SLC25A20: variants seen among roughly 807,000 people sequenced by gnomAD.
SLC25A20 encodes solute carrier family 25 member 20, also known as mitochondrial carnitine/acylcarnitine carrier protein.
SLC25A20 carries 29 observed loss-of-function variants against 39.7 expected under a neutral mutation model. The ratio of observed to expected loss-of-function variants is 0.73; its 90% CI spans 0.54 to 1.00. The LOEUF (loss-of-function observed/expected upper bound fraction) is 1.00, where lower values mean the gene tolerates loss of function less well. Among genes scored for constraint, SLC25A20 ranks in the 50% least tolerant of loss-of-function variants. The pLI is 0.00. For synonymous variants in SLC25A20, 103 were observed against 142.2 expected (o/e 0.72, Z 1.96); for missense variants, 333 against 379.9 (o/e 0.88, Z 1.03).
intron 4 of SLC25A20, among the ~76,000 whole-genome samples, chr3:48,875,409 AT>A (rs1161432298): frequency 6.6e-6 from 1 of 151,366 alleles, no homozygotes; most frequent in East Asian, 1.9e-4. Flanking sequence ...CTATTTATTT[AT>A]TTTTTAATTT....
chr3:48,864,999 T>C (rs1192105193), intron 4 of SLC25A20, among the ~76,000 whole-genome samples: 2 of 152,172 alleles, frequency 1.3e-5, no homozygotes, highest in Non-Finnish European at 2.9e-5. Context: ...TGGAAAATGC[T>C]GAGAGTAGAG....
rs574218022 is a variant in SLC25A20, at chr3:48,863,232, A to G, written c.418-573T>C. Among the ~76,000 whole-genome samples the G allele has an allele frequency of 3.3e-5, 5 of 152,320 alleles. No homozygotes were observed. The East Asian group carries it at 9.6e-4, about 29-fold the overall frequency. On this transcript the variant is annotated intron_variant, in intron 4 of 8. Coordinates refer to ENST00000319017, the MANE Select transcript of SLC25A20 (RefSeq NM_000387.6). ...AAAATAAGTTGAGGAAATCTGTCAA[A>G]CACAATAAAGCTATTTGGAAGGTCT...
chr3:48,898,841 G>A lies in SLC25A20; in HGVS notation c.-47C>T. On this transcript the variant is annotated 5_prime_UTR_variant, in exon 1 of 9. Transcript: ENST00000319017. The stretch of plus-strand genomic sequence containing the variant: ...GTCTGTCAGTTCTCGGGCCGTCCTG[G>A]CTTCTCAGCCCCAGCTGCAGTGCCG... The A allele has an allele frequency of 6.5e-7, 1 of 1,529,218 alleles. No individual in the cohort carries two copies. Among genetic ancestry groups the A allele is most frequent in the Non-Finnish European group, 8.9e-7 (1 of 1,127,366 alleles). The allele number at this position is 1,529,218 out of a possible 1,614,324, so 94.7% of individuals were successfully genotyped here.
chr3:48,859,810 C>T (rs1023587806), intron 5 of SLC25A20, among the ~76,000 whole-genome samples, 183 bp from the exon 6 acceptor site: 1 of 151,948 alleles, frequency 6.6e-6, no homozygotes, highest in Non-Finnish European at 1.5e-5. Context: ...AGATTTGGTT[C>T]AATTTATTTG....
At position 48,859,509 on chromosome 3, in the gene SLC25A20, G is replaced by A. The variant is rs745558282; in HGVS notation, c.608+46C>T. 256 of 1,470,630 alleles carry A rather than the reference G, an allele frequency of 1.7e-4. 2 individuals carry two copies. The Admixed American group carries it at 3.6e-3, about 21-fold the overall frequency. 91.1% of individuals were successfully genotyped at this position (1,470,630 alleles called of 1,614,324 possible). Reference sequence around the variant, plus strand: ...AGATTCACCCACAGGAGAGGGCAACGCACCCATGACTGGGGAAAGTGGCTT... The same window carrying A: ...AGATTCACCCACAGGAGAGGGCAACACACCCATGACTGGGGAAAGTGGCTT... On this transcript the variant is annotated intron_variant, in intron 6 of 8. Coordinates refer to ENST00000319017, the MANE Select transcript of SLC25A20 (RefSeq NM_000387.6).
chr3:48,890,674 A>C (rs1182022625), intron 2 of SLC25A20, among the ~76,000 whole-genome samples: 1 of 68,238 alleles, frequency 1.5e-5, no homozygotes, highest in African/African-American at 5.7e-5. Flanking sequence ...TTTTTTTTTG[A>C]GATAGAGTCT....
intron 5 of SLC25A20, among the ~76,000 whole-genome samples, chr3:48,860,512 G>C (rs1205616031): frequency 2.7e-5 from 4 of 150,266 alleles, no homozygotes; most frequent in Non-Finnish European, 5.9e-5. Context: ...GACTGAGGCA[G>C]GAGAATCGCT....
intron 4 of SLC25A20, among the ~76,000 whole-genome samples, chr3:48,872,690 A>C (rs77905519): frequency 6.7e-6 from 1 of 150,250 alleles, no homozygotes; most frequent in African/African-American, 2.4e-5. Context: ...ATCCTTACAA[A>C]AAAAAAAAAA....
intron 1 of SLC25A20, among the ~76,000 whole-genome samples, chr3:48,894,503 C>A (rs982708050): frequency 6.6e-6 from 1 of 151,374 alleles, no homozygotes; most frequent in African/African-American, 2.4e-5. Flanking sequence ...GAACTTCTGA[C>A]CTCAGGTGAT....
At chr3:48,875,564 C>T (rs1436567494) in intron 4 of SLC25A20, among the ~76,000 whole-genome samples, 1 of 152,182 alleles carries the variant, frequency 6.6e-6, no homozygotes, top group African/African-American at 2.4e-5. Flanking sequence ...CGTGCACAAC[C>T]ATACCTGGCT....
chr3:48,881,170 C>A lies in SLC25A20; in HGVS notation c.327-1722G>T, dbSNP rs1410341873. The stretch of plus-strand genomic sequence containing the variant: ...ACAGCGCGATTTCTCCCTGCATTCA[C>A]CCCAGGCAGGGCTCATGCATCTACC... On this transcript the variant is annotated intron_variant, in intron 3 of 8. Coordinates refer to ENST00000319017, the MANE Select transcript of SLC25A20 (RefSeq NM_000387.6). Among the ~76,000 whole-genome samples, 5 of 152,222 alleles carry A rather than the reference C, an allele frequency of 3.3e-5. No individual in the cohort carries two copies. The East Asian group carries it at 7.7e-4, about 24-fold the overall frequency.
At chr3:48,896,982 G>T (rs935018805) in intron 1 of SLC25A20, among the ~76,000 whole-genome samples, 7 of 151,444 alleles carry the variant, frequency 4.6e-5, no homozygotes, top group Non-Finnish European at 1.0e-4. Flanking sequence ...GCCTTTTCAT[G>T]ACCCACTCTG....
intron 2 of SLC25A20, among the ~76,000 whole-genome samples, chr3:48,884,858 G>C (rs2083819199): frequency 7.7e-6 from 1 of 129,808 alleles, no homozygotes; most frequent in Non-Finnish European, 1.6e-5. Context: ...ACATGGCCAA[G>C]AAATCACATT....
intron 1 of SLC25A20, among the ~76,000 whole-genome samples, chr3:48,893,279 G>A (rs181535498): frequency 1.3e-5 from 2 of 152,076 alleles, no homozygotes; most frequent in Non-Finnish European, 2.9e-5. Context: ...TGGGTATGAG[G>A]TGGTATGTCA....
intron 3 of SLC25A20, 126 bp from the exon 4 acceptor site, chr3:48,879,574 C>A: frequency 4.1e-6 from 3 of 728,658 alleles, no homozygotes; most frequent in Non-Finnish European, 7.5e-6. Flanking sequence ...AGAAGCCTAG[C>A]CACAAATGAA....
intron 1 of SLC25A20, among the ~76,000 whole-genome samples, chr3:48,897,176 C>T (rs1192254912): frequency 6.8e-6 from 1 of 148,064 alleles, no homozygotes; most frequent in East Asian, 2.0e-4. Flanking sequence ...ACACAGCAGT[C>T]AGCAATTTGT....
intron 2 of SLC25A20, among the ~76,000 whole-genome samples, chr3:48,884,430 G>A (rs1372211375): frequency 6.6e-6 from 1 of 151,972 alleles, no homozygotes; most frequent in African/African-American, 2.4e-5. Context: ...ACTCATCACA[G>A]CCTTGATCCC....
intron 3 of SLC25A20, among the ~76,000 whole-genome samples, chr3:48,881,976 A>G (rs1443185642): frequency 6.6e-6 from 1 of 152,122 alleles, no homozygotes. Flanking sequence ...TACATCCTAG[A>G]CCCTCACTCA....
chr3:48,881,298 C>T (rs2083793643), intron 3 of SLC25A20, among the ~76,000 whole-genome samples: 1 of 152,194 alleles, frequency 6.6e-6, no homozygotes, highest in African/African-American at 2.4e-5. Flanking sequence ...GAGGAGTCCT[C>T]TCAGCAACTA....
Sources: gnomAD v4.1 joint callset for allele counts (sites outside exome capture counted in the v4.1 genomes callset) on GRCh38, gnomAD v4.1.1 for gene constraint, MANE v1.5 for transcripts, NCBI Gene and HGNC (gene_info 2026-07-23, HGNC 2026-07-21) for gene names.